YWHAZ: variants seen among roughly 807,000 people sequenced by gnomAD.
YWHAZ encodes tyrosine 3-monooxygenase/tryptophan 5-monooxygenase activation protein zeta.
For synonymous variants in YWHAZ, 87 were observed against 103.6 expected (o/e 0.84, Z 0.97); for missense variants, 79 against 284.8 (o/e 0.28, Z 5.20).
intron 2 of YWHAZ, among the ~76,000 whole-genome samples, chr8:100,928,763 C>A (rs528970309): frequency 6.6e-6 from 1 of 151,654 alleles, no homozygotes; most frequent in Non-Finnish European, 1.5e-5. Context: ...GGAACATATT[C>A]TCAGCCTCAA....
intron 2 of YWHAZ, among the ~76,000 whole-genome samples, chr8:100,928,784 T>G (rs1002492235): frequency 1.3e-5 from 2 of 151,004 alleles, no homozygotes; most frequent in Non-Finnish European, 2.9e-5. Context: ...TGGGGTGATA[T>G]ACCTACTAGA....
In YWHAZ at chr8:100,948,058, G is replaced by GTT. The variant is rs756967234; in HGVS notation, c.294+537_294+538insAA. On this transcript the variant is annotated intron_variant, in intron 2 of 5. Transcript: ENST00000395958. The surrounding 1 kb of genome is among the most constrained non-coding windows in gnomAD (Gnocchi z 4.2). ...TTGTTCATAACCTTTCATCATGGTT[G>GTT]TGAGTGTTCAAAATTTACCTTCAAG... 96 of 1,515,866 alleles carry GTT rather than the reference G, an allele frequency of 6.3e-5. No individual in the cohort carries two copies. The highest frequency in any genetic ancestry group is 8.4e-5 in the Non-Finnish European group (95 of 1,131,252). 93.9% of individuals were successfully genotyped at this position (1,515,866 alleles called of 1,614,324 possible).
intron 2 of YWHAZ, among the ~76,000 whole-genome samples, chr8:100,946,265 G>A (rs1478265918): frequency 1.3e-5 from 2 of 152,188 alleles, no homozygotes; most frequent in Admixed American, 6.5e-5. Flanking sequence ...TGGGCTGGAC[G>A]TGGTGGCTCA....
intron 2 of YWHAZ, among the ~76,000 whole-genome samples, chr8:100,927,301 T>C (rs1325782543): frequency 6.6e-6 from 1 of 152,140 alleles, no homozygotes; most frequent in Non-Finnish European, 1.5e-5. Flanking sequence ...GGTGGGAGGA[T>C]CACTTCTTGA....
intron 2 of YWHAZ, among the ~76,000 whole-genome samples, chr8:100,929,824 A>G (rs73697337): frequency 0.046 from 6,959 of 152,308 alleles, 171 homozygotes; most frequent in Non-Finnish European, 0.057. Flanking sequence ...AAAAATGAAT[A>G]AAAGAACAAA....
chr8:100,952,814 C>CCCCTCCCGGCCT (rs1810899537), upstream of YWHAZ: 4 of 1,000,274 alleles, frequency 4.0e-6, no homozygotes, highest in African/African-American at 3.5e-5. Flanking sequence ...GGGCGCGCGG[C>CCCCTCCCGGCCT]CCCTCCCGGC....
At chr8:100,944,463 G>T (rs73286289) in intron 2 of YWHAZ, among the ~76,000 whole-genome samples, 2,370 of 152,268 alleles carry the variant, frequency 0.016, 72 homozygotes, top group African/African-American at 0.053. Flanking sequence ...AACTGCAGTT[G>T]CCAACTGTTA....
At chr8:100,951,746 C>T in intron 1 of YWHAZ, 183 bp downstream of exon 1, 1 of 985,170 alleles carries the variant, frequency 1.0e-6, no homozygotes, top group Non-Finnish European at 1.2e-6. Context: ...GGCCGCTAGC[C>T]GCCCTCCCGA....
At position 100,920,799 on chromosome 8, in the gene YWHAZ, G is replaced by T. The variant is rs773902328; in HGVS notation, c.679-47C>A. On this transcript the variant is annotated intron_variant, in intron 5 of 5. Transcript: ENST00000395958. Reference sequence around the variant, plus strand: ...TTTCAGCAAGTTTCAGTGGGATGGGGGGGGGGGGGCGTTTTCATATAAGTG... The same window carrying T: ...TTTCAGCAAGTTTCAGTGGGATGGGTGGGGGGGGGCGTTTTCATATAAGTG... 31 of 1,014,530 alleles carry T rather than the reference G, an allele frequency of 3.1e-5. 1 individual carries two copies. The highest frequency in any genetic ancestry group is 3.9e-5 in the Non-Finnish European group (27 of 695,390). The allele number at this position is 1,014,530 out of a possible 1,614,324, so 62.8% of individuals were successfully genotyped here.
intron 2 of YWHAZ, among the ~76,000 whole-genome samples, chr8:100,941,810 C>A (rs1439404337): frequency 3.5e-5 from 4 of 113,570 alleles, no homozygotes; most frequent in African/African-American, 5.7e-5. Context: ...CAAAAAACGA[C>A]AAAAAAAAAA....
At chr8:100,938,984 G>C (rs1262288948) in intron 2 of YWHAZ, among the ~76,000 whole-genome samples, 1 of 152,210 alleles carries the variant, frequency 6.6e-6, no homozygotes, top group Non-Finnish European at 1.5e-5. Flanking sequence ...TCATCTATAA[G>C]CAGGCTTGTG....
intron 1 of YWHAZ, chr8:100,950,955 C>T (rs1810705772): frequency 5.4e-6 from 1 of 184,702 alleles, no homozygotes; most frequent in African/African-American, 2.4e-5. Flanking sequence ...CGCAGGGACC[C>T]TCCAGTTCTA....
Position 100,920,585 on chromosome 8 carries a change from T to A in YWHAZ, c.*108A>T. The A allele has an allele frequency of 9.3e-7, 1 of 1,074,168 alleles. No individual in the cohort carries two copies. Among genetic ancestry groups the A allele is most frequent in the East Asian group, 2.4e-5 (1 of 42,048 alleles). 66.5% of individuals were successfully genotyped at this position (1,074,168 alleles called of 1,614,324 possible). A position where few individuals can be genotyped will look rare whatever the true frequency, so the allele number is the denominator to read the frequency against. ...TATAGAAATTCAAATAGAAGTAACA[T>A]AAACCTGTCATAAATCGTAAACAAA... On this transcript the variant is annotated 3_prime_UTR_variant, in exon 6 of 6. Coordinates refer to ENST00000395958, the MANE Select transcript of YWHAZ (RefSeq NM_145690.3).
rs914709541 is a variant in YWHAZ at position 100,917,636 on chromosome 8, T to G, written c.*3057A>C. ...TGCGAGGCTGAGGCAGGAGAATCAC[T>G]TCAGCCTGGGAGGAGAAGGTTGCAG... On this transcript the variant is annotated 3_prime_UTR_variant, in exon 6 of 6. Coordinates refer to ENST00000395958, the MANE Select transcript of YWHAZ (RefSeq NM_145690.3). The G allele has an allele frequency of 6.6e-6, 1 of 151,986 alleles. No individual in the cohort carries two copies. Among genetic ancestry groups the G allele is most frequent in the Non-Finnish European group, 1.5e-5 (1 of 68,036 alleles). 9.4% of individuals were successfully genotyped at this position (151,986 alleles called of 1,614,324 possible). A position where few individuals can be genotyped will look rare whatever the true frequency, so the allele number is the denominator to read the frequency against.
At position 100,924,770 on chromosome 8, in the gene YWHAZ, T is replaced by C; in HGVS notation, c.418+146A>G. ...TAGAATAGCAGTATGAGGCAGTAGA[T>C]GTGTATTCTCAGAACACAAAGAGCA... On this transcript the variant is annotated intron_variant, in intron 3 of 5. Transcript: ENST00000395958. The surrounding 1 kb of genome is among the most constrained non-coding windows in gnomAD (Gnocchi z 5.7). 4.3e-6 allele frequency: 4 copies of C among 934,956 alleles called. No homozygotes were observed. Among genetic ancestry groups the C allele is most frequent in the Non-Finnish European group, 6.3e-6 (4 of 630,228 alleles). The allele number at this position is 934,956 out of a possible 1,614,324, so 57.9% of individuals were successfully genotyped here.
intron 2 of YWHAZ, among the ~76,000 whole-genome samples, chr8:100,928,218 T>TG (rs1459418601): frequency 1.3e-5 from 2 of 151,812 alleles, no homozygotes; most frequent in African/African-American, 4.8e-5. Context: ...AGGCGGAGCT[T>TG]GCAGTGAGCT....
chr8:100,949,350 TCA>T (rs1810534631), intron 1 of YWHAZ, among the ~76,000 whole-genome samples: 1 of 152,184 alleles, frequency 6.6e-6, no homozygotes. Context: ...ATAATTCATA[TCA>T]GTTTAATGTA....
chr8:100,925,428 C>A (rs1053242219), intron 2 of YWHAZ, among the ~76,000 whole-genome samples: 2 of 152,078 alleles, frequency 1.3e-5, no homozygotes, highest in Non-Finnish European at 2.9e-5. Flanking sequence ...AAAGAACATA[C>A]GGGATGAACC....
intron 1 of YWHAZ, chr8:100,951,504 G>C: frequency 1.0e-6 from 1 of 985,922 alleles, no homozygotes; most frequent in Non-Finnish European, 1.2e-6. Context: ...CATTATCTCG[G>C]GCGGAAGCGA....
Sources: allele counts gnomAD v4.1 joint callset (sites outside exome capture counted in the v4.1 genomes callset), GRCh38; gene constraint gnomAD v4.1.1; non-coding constraint Gnocchi (gnomAD v3.1); transcripts MANE v1.5; gene names NCBI Gene and HGNC (gene_info 2026-07-23, HGNC 2026-07-21).